DCTN4: variants seen among roughly 807,000 people sequenced by gnomAD.
DCTN4 encodes dynactin 4 (p62).
DCTN4 carries 23 observed loss-of-function variants against 62.7 expected under a neutral mutation model. The ratio of observed to expected loss-of-function variants is 0.37; its 90% CI spans 0.26 to 0.52. The LOEUF is 0.52. DCTN4 is among the 20% of genes least tolerant of loss of function. The probability of loss-of-function intolerance (pLI) is 0.92; values close to 1 mark genes in which losing one functional copy is unlikely to be tolerated. For synonymous variants in DCTN4, 199 were observed against 202.1 expected, an observed-to-expected ratio of 0.98 and a Z score of 0.13; for missense variants, 514 against 580.4, an observed-to-expected ratio of 0.89 and a Z score of 1.18.
chr5:150,712,706 CT>C, intron 12 of DCTN4, among the ~76,000 whole-genome samples: 1 of 152,262 alleles, frequency 6.6e-6, no homozygotes, highest in African/African-American at 2.4e-5. Flanking sequence ...ACAAAAATGT[CT>C]CTTCATTGAG....
rs1331625431 is a variant in DCTN4 at position 150,722,867 on chromosome 5, T to C, written c.908+40A>G. ...GGGAAGAAGAATAAACCAAAATAACTCAAAACAGTAACTGAAAACACCAAT... is the reference window on the plus strand; with the variant it reads ...GGGAAGAAGAATAAACCAAAATAACCCAAAACAGTAACTGAAAACACCAAT... On this transcript the variant is annotated intron_variant, in intron 9 of 12. Coordinates refer to ENST00000447998, the MANE Select transcript of DCTN4 (RefSeq NM_016221.4). 2.0e-6 allele frequency: 3 copies of C among 1,538,268 alleles called. No individual in the cohort carries two copies. The Admixed American group carries it at 5.3e-5, about 27-fold the overall frequency.
chr5:150,750,765 C>T (rs1169518114), intron 3 of DCTN4, among the ~76,000 whole-genome samples: 1 of 152,104 alleles, frequency 6.6e-6, no homozygotes, highest in Non-Finnish European at 1.5e-5. Flanking sequence ...CTAATAAACA[C>T]TGAATTCAGG....
chr5:150,738,793 C>A (rs1760669691), intron 4 of DCTN4, among the ~76,000 whole-genome samples: 1 of 152,076 alleles, frequency 6.6e-6, no homozygotes, highest in Admixed American at 6.6e-5. Flanking sequence ...TAAAGGGCAT[C>A]CAAATCAGTA....
chr5:150,724,125 GACTA>G (rs1760053566), intron 8 of DCTN4, among the ~76,000 whole-genome samples: 1 of 152,118 alleles, frequency 6.6e-6, no homozygotes, highest in Non-Finnish European at 1.5e-5. Context: ...AAATATAACT[GACTA>G]ATCTGACGAT....
chr5:150,734,355 G>C (rs889977874), intron 4 of DCTN4: 4 of 152,186 alleles, frequency 2.6e-5, no homozygotes, highest in African/African-American at 9.7e-5. Flanking sequence ...ATCCTCACTG[G>C]AGAACCTAAA....
At chr5:150,758,817 C>A in intron 1 of DCTN4, 42 bp downstream of exon 1, 1 of 1,565,990 alleles carries the variant, frequency 6.4e-7, no homozygotes, top group Non-Finnish European at 8.7e-7. Context: ...GAACGCCGCG[C>A]CCCCCCCACC....
chr5:150,758,707 A>G, intron 1 of DCTN4, 152 bp downstream of exon 1: 1 of 1,347,468 alleles, frequency 7.4e-7, no homozygotes, highest in South Asian at 1.4e-5. Flanking sequence ...GTGACAGATT[A>G]GAAGCAAATT....
At chr5:150,753,730 G>C in intron 2 of DCTN4, 73 bp from the exon 3 acceptor site, 1 of 1,447,752 alleles carries the variant, frequency 6.9e-7, no homozygotes, top group Non-Finnish European at 9.4e-7. Context: ...CAAATATAAG[G>C]ACAAGTGTCT....
At chr5:150,746,979 G>C (rs1234365427) in intron 3 of DCTN4, among the ~76,000 whole-genome samples, 1 of 152,052 alleles carries the variant, frequency 6.6e-6, no homozygotes, top group Non-Finnish European at 1.5e-5. Context: ...TATTCAATTA[G>C]GAAAAGAGGA....
chr5:150,736,733 T>C (rs1227173016), intron 4 of DCTN4, among the ~76,000 whole-genome samples: 1 of 151,664 alleles, frequency 6.6e-6, no homozygotes, highest in East Asian at 1.9e-4. Context: ...AGGCAACAAC[T>C]AGCACAATGA....
intron 3 of DCTN4, among the ~76,000 whole-genome samples, chr5:150,747,045 G>T (rs1013427494): frequency 2.0e-5 from 3 of 152,138 alleles, no homozygotes; most frequent in Non-Finnish European, 4.4e-5. Flanking sequence ...AAACCCCATC[G>T]TCTCAGCCCA....
intron 11 of DCTN4, 27 bp from the exon 12 acceptor site, chr5:150,715,689 C>A (rs776988484): frequency 1.3e-6 from 2 of 1,582,294 alleles, no homozygotes; most frequent in African/African-American, 2.7e-5. Context: ...AGAGGCCTGC[C>A]TGAGAAGGGA....
At chr5:150,741,221 A>C (rs77647377) in intron 4 of DCTN4, among the ~76,000 whole-genome samples, 1,597 of 151,978 alleles carry the variant, frequency 0.011, 26 homozygotes, top group African/African-American at 0.035. Context: ...AATAAAAAGC[A>C]AAACTTCTCT....
Position 150,731,401 on chromosome 5 carries a change from C to T in DCTN4, c.611+15G>A. ...CCTGCTGTTCTCCTCAAAGTCATTT[C>T]ATGTCTAAACTTACGAAAGTCCGGC... is the stretch of plus-strand genomic sequence containing the variant. On this transcript the variant is annotated intron_variant, in intron 6 of 12. Transcript: ENST00000447998. 2 of 1,609,774 alleles carry T rather than the reference C, an allele frequency of 1.2e-6. No homozygotes were observed. Among genetic ancestry groups the T allele is most frequent in the South Asian group, 2.2e-5 (2 of 90,720 alleles).
intron 4 of DCTN4, among the ~76,000 whole-genome samples, chr5:150,735,496 CTT>C (rs1220276342): frequency 1.4e-4 from 22 of 152,210 alleles, no homozygotes; most frequent in Admixed American, 1.4e-3. Flanking sequence ...TCACTGGACT[CTT>C]TGCAGACACT....
intron 3 of DCTN4, among the ~76,000 whole-genome samples, chr5:150,747,472 G>A (rs747023025): frequency 5.4e-4 from 82 of 152,188 alleles, no homozygotes; most frequent in African/African-American, 1.5e-3. Context: ...AAAAGAGCCC[G>A]CATTGCCAAG....
intron 2 of DCTN4, among the ~76,000 whole-genome samples, chr5:150,754,703 C>T (rs565925167): frequency 4.6e-5 from 7 of 152,312 alleles, no homozygotes; most frequent in African/African-American, 1.7e-4. Context: ...CACAGCAGCT[C>T]ACGCTTGTAA....
rs1760346702 is a variant in DCTN4 at position 150,731,122 on chromosome 5, T to C, written c.646A>G (p.Ile216Val). 1 of 1,612,950 alleles carries C rather than the reference T, an allele frequency of 6.2e-7. No individual in the cohort carries two copies. The change falls in exon 7 of 13, where the codon ATT (isoleucine) becomes GTT (valine). Residue 216 changes from isoleucine to valine, a missense_variant. Coordinates refer to ENST00000447998, the MANE Select transcript of DCTN4 (RefSeq NM_016221.4). ...KEGEDQKEIK[I>V]EPAQAVDEVE... ...TCATCCACAGCCTGAGCTGGCTCAATCTTTATCTCTTTCTGATCCTCTCCT... is the reference window on the plus strand; with the variant it reads ...TCATCCACAGCCTGAGCTGGCTCAACCTTTATCTCTTTCTGATCCTCTCCT...
At position 150,714,716 on chromosome 5, in the gene DCTN4, T is replaced by C. The variant is rs141135435; in HGVS notation, c.1169+849A>G. On this transcript the variant is annotated intron_variant, in intron 12 of 12. Coordinates refer to ENST00000447998, the MANE Select transcript of DCTN4 (RefSeq NM_016221.4). ...CCCAGGAGGAAGTGGCAGTAAGCAG[T>C]TGAAGTTTTCCAATTCTTGTATAAT... Among the ~76,000 whole-genome samples the C allele has an allele frequency of 5.3e-3, 809 of 152,200 alleles. 7 individuals carry two copies. Among genetic ancestry groups the C allele is most frequent in the African/African-American group, 0.018 (754 of 41,524 alleles).
Sources: gnomAD v4.1 joint callset for allele counts (sites outside exome capture counted in the v4.1 genomes callset) on GRCh38, gnomAD v4.1.1 for gene constraint, MANE v1.5 for transcripts, NCBI Gene and HGNC (gene_info 2026-07-23, HGNC 2026-07-21) for gene names.